GABRA3: variants seen among roughly 807,000 people sequenced by gnomAD.
The protein encoded by GABRA3 is gamma-aminobutyric acid type A receptor subunit alpha3.
A neutral mutation model predicts 30.1 loss-of-function variants in GABRA3; 10 were observed. That is an observed-to-expected ratio of 0.33 (90% CI 0.20 to 0.56). The LOEUF is 0.56. Among genes scored for constraint, GABRA3 ranks in the 20% least tolerant of loss-of-function variants. The pLI is 0.89. For synonymous variants in GABRA3, 151 were observed against 146.8 expected, an observed-to-expected ratio of 1.03 and a Z score of -0.21; for missense variants, 233 against 392.0, an observed-to-expected ratio of 0.59 and a Z score of 3.42.
intron 1 of GABRA3, among the ~76,000 whole-genome samples, chrX:152,390,810 T>C (rs1569415498): frequency 9.0e-6 from 1 of 111,558 alleles, no homozygotes; most frequent in Non-Finnish European, 1.9e-5. Context: ...ACTTATTACA[T>C]ACCAAGCACT....
intron 4 of GABRA3, among the ~76,000 whole-genome samples, chrX:152,270,537 G>T (rs1938913142): frequency 9.0e-6 from 1 of 111,255 alleles, no homozygotes; most frequent in Non-Finnish European, 1.9e-5. Flanking sequence ...CAGGCAGAAG[G>T]TGGAACAGCT....
chrX:152,379,955 A>G (rs1929098557), intron 1 of GABRA3, among the ~76,000 whole-genome samples: 1 of 110,632 alleles, frequency 9.0e-6, no homozygotes, highest in East Asian at 2.9e-4. Flanking sequence ...CTCGTGCCTC[A>G]GCCTCCTGAG....
intron 4 of GABRA3, among the ~76,000 whole-genome samples, chrX:152,275,148 ATATT>A (rs1191237174): frequency 2.4e-5 from 2 of 81,937 alleles, no homozygotes; most frequent in Non-Finnish European, 4.4e-5. Context: ...TATAATATAT[ATATT>A]TAATATTATA....
rs6627549 is a variant in GABRA3, at chrX:152,202,252, A to G, written c.779-4467T>C. Among the ~76,000 whole-genome samples, 2,089 of 111,973 alleles carry G rather than the reference A, an allele frequency of 0.019. 103 individuals are homozygous for G. In the East Asian group the frequency reaches 0.24, roughly 13 times the overall value. The stretch of plus-strand genomic sequence containing the variant: ...TTCTCTGGCCCAGATTTCCATTCAT[A>G]TTCTAGACCCTACATGGAAGAGTGT... On this transcript the variant is annotated intron_variant, in intron 7 of 9. Coordinates refer to ENST00000370314, the MANE Select transcript of GABRA3 (RefSeq NM_000808.4).
chrX:152,351,341 C>T (rs919046890), intron 2 of GABRA3, among the ~76,000 whole-genome samples: 4 of 112,199 alleles, frequency 3.6e-5, no homozygotes, highest in African/African-American at 1.3e-4. Context: ...ATTATCATAG[C>T]TAGATCTTCT....
intron 1 of GABRA3, among the ~76,000 whole-genome samples, chrX:152,418,475 C>T (rs953264504): frequency 9.0e-6 from 1 of 111,136 alleles, no homozygotes; most frequent in Non-Finnish European, 1.9e-5. Flanking sequence ...CTTGTACTAC[C>T]TGAAAATGAA....
chrX:152,433,737 G>T (rs1280325457), intron 1 of GABRA3, among the ~76,000 whole-genome samples: 1 of 99,689 alleles, frequency 1.0e-5, no homozygotes, highest in Non-Finnish European at 2.0e-5. Context: ...ATGAAACTAA[G>T]AGCTGGTTCT....
intron 2 of GABRA3, among the ~76,000 whole-genome samples, chrX:152,353,328 A>G (rs1940505300): frequency 8.9e-6 from 1 of 112,216 alleles, no homozygotes; most frequent in South Asian, 3.7e-4. Context: ...GCTAGTAGAC[A>G]TATGATTCCA....
rs765344928 is a variant in GABRA3, at chrX:152,272,311, G to A, written c.330+12357C>T. Among the ~76,000 whole-genome samples, 5 of 112,621 alleles carry A rather than the reference G, an allele frequency of 4.4e-5. No homozygotes were observed. The South Asian group carries it at 1.8e-3, about 41-fold the overall frequency. On this transcript the variant is annotated intron_variant, in intron 4 of 9. Transcript: ENST00000370314. ...CCTCTTGCATCGGCATGACCTAGAT[G>A]TGAGACATGAATTCAAAGGAGATCA...
chrX:152,446,205 T>A (rs1931082234), intron 1 of GABRA3, among the ~76,000 whole-genome samples: 1 of 112,075 alleles, frequency 8.9e-6, no homozygotes, highest in Admixed American at 9.4e-5. Context: ...CTATCACTAC[T>A]CAACTCTGCT....
intron 1 of GABRA3, among the ~76,000 whole-genome samples, chrX:152,449,976 A>T (rs1931181743): frequency 9.0e-6 from 1 of 111,373 alleles, no homozygotes; most frequent in Non-Finnish European, 1.9e-5. Flanking sequence ...TATACTACAT[A>T]CTCGATAATT....
intron 5 of GABRA3, among the ~76,000 whole-genome samples, chrX:152,251,354 G>C (rs953001694): frequency 1.6e-4 from 18 of 110,342 alleles, no homozygotes; most frequent in African/African-American, 5.6e-4. Flanking sequence ...TCCTCAACCT[G>C]CACCTTCTAT....
At chrX:152,294,519 C>A (rs1260778299) in intron 3 of GABRA3, among the ~76,000 whole-genome samples, 1 of 111,299 alleles carries the variant, frequency 9.0e-6, no homozygotes, top group African/African-American at 3.3e-5. Context: ...TTCTAGTTAG[C>A]CATTCATCTA....
chrX:152,217,235 T>C (rs1426370801), intron 6 of GABRA3, among the ~76,000 whole-genome samples: 1 of 111,240 alleles, frequency 9.0e-6, no homozygotes, highest in African/African-American at 3.2e-5. Context: ...TATTAATATG[T>C]CATATTAGGT....
intron 3 of GABRA3, among the ~76,000 whole-genome samples, chrX:152,303,518 G>A (rs748411021): frequency 8.9e-6 from 1 of 111,750 alleles, no homozygotes; most frequent in East Asian, 2.8e-4. Context: ...GCACACAGAT[G>A]TTTGTGCAGC....
chrX:152,215,711 T>C (rs1937707335), intron 6 of GABRA3, among the ~76,000 whole-genome samples: 1 of 111,589 alleles, frequency 9.0e-6, no homozygotes, highest in Non-Finnish European at 1.9e-5. Context: ...TAGATAACAA[T>C]ACCAAAGCAC....
At chrX:152,448,681 C>T (rs898705219) in intron 1 of GABRA3, among the ~76,000 whole-genome samples, 2 of 111,801 alleles carry the variant, frequency 1.8e-5, no homozygotes, top group Non-Finnish European at 3.8e-5. Flanking sequence ...CTTCTGCATA[C>T]TGTATGAACC....
chrX:152,371,569 C>T (rs746798977), intron 1 of GABRA3, among the ~76,000 whole-genome samples: 1 of 110,714 alleles, frequency 9.0e-6, no homozygotes, highest in Non-Finnish European at 1.9e-5. Flanking sequence ...AAAAGTGATG[C>T]AATATCATCG....
In GABRA3 at chrX:152,265,992, A is replaced by T. The variant is rs768140432; in HGVS notation, c.331-9994T>A. Among the ~76,000 whole-genome samples the T allele has an allele frequency of 1.6e-4, 18 of 111,453 alleles. No homozygotes were observed. The East Asian group carries it at 5.1e-3, about 32-fold the overall frequency. The stretch of plus-strand genomic sequence containing the variant: ...AGGTAATGTGATCAAAGCCATAATA[A>T]AAAGACTCCTAGTAAAGAAAAGCCT... On this transcript the variant is annotated intron_variant, in intron 4 of 9. Transcript: ENST00000370314.
Sources: allele counts gnomAD v4.1 joint callset (sites outside exome capture counted in the v4.1 genomes callset), GRCh38; gene constraint gnomAD v4.1.1; transcripts MANE v1.5; gene names NCBI Gene and HGNC (gene_info 2026-07-23, HGNC 2026-07-21).